The following WDR49 variants were observed in gnomAD, a reference collection of about 807,000 sequenced individuals.
WDR49 encodes the protein WD repeat domain 49.
A neutral mutation model predicts 119.5 loss-of-function variants in WDR49; 107 were observed. The observed-to-expected ratio is 0.90, with a 90% CI of 0.77 to 1.05. WDR49 has a LOEUF of 1.05. WDR49 is among the 50% of genes least tolerant of loss of function. WDR49 has a pLI of 0.00. For missense variants in WDR49, 1,240 were observed against 1,220.5 expected, an observed-to-expected ratio of 1.02 and a Z score of -0.24; for synonymous variants, 425 against 418.8, an observed-to-expected ratio of 1.01 and a Z score of -0.18.
chr3:167,610,836 AACAG>A (rs1321473702), intron 5 of WDR49, among the ~76,000 whole-genome samples: 7 of 152,196 alleles, frequency 4.6e-5, no homozygotes, highest in Non-Finnish European at 8.8e-5. Context: ...GGTGGCTCAG[AACAG>A]ACAGAGAGAC....
rs754057980 is a variant in WDR49 at position 167,478,886 on chromosome 3, T to A, written c.3142A>T (p.Lys1048Ter). ...QEKSCEVKKN[K>*]K ...AGGTTTTTCTGTTGTAATTACTTCT[T>A]ATTTTTCTTCACTTCACAACTTTTT... The change falls in exon 19 of 19, where the codon AAG (lysine) becomes TAG (stop). Residue 1048 changes from lysine to a stop codon, truncating the protein, a stop_gained. Transcript: ENST00000682715. LOFTEE classifies it high-confidence loss of function. 6.2e-7 allele frequency: 1 copy of A among 1,602,200 alleles called. No homozygotes were observed. Among genetic ancestry groups the A allele is most frequent in the Non-Finnish European group, 8.5e-7 (1 of 1,175,480 alleles).
At chr3:167,482,436 G>A (rs566635594) in intron 18 of WDR49, among the ~76,000 whole-genome samples, 13 of 151,924 alleles carry the variant, frequency 8.6e-5, no homozygotes, top group South Asian at 2.1e-4. Context: ...TTGGGAGGCC[G>A]AGGCGGGCGG....
chr3:167,545,560 A>G (rs1216654849), intron 10 of WDR49, among the ~76,000 whole-genome samples: 1 of 144,880 alleles, frequency 6.9e-6, no homozygotes, highest in African/African-American at 2.5e-5. Context: ...TGACATTCAT[A>G]GCAACCAGGA....
At chr3:167,594,877 G>T (rs879528575) in intron 7 of WDR49, among the ~76,000 whole-genome samples, 3 of 149,616 alleles carry the variant, frequency 2.0e-5, no homozygotes, top group Admixed American at 1.3e-4. Context: ...GGGCAATTAG[G>T]CAGGAGAAGG....
At chr3:167,573,427 CACAA>C (rs1360736172) in intron 8 of WDR49, among the ~76,000 whole-genome samples, 3 of 147,184 alleles carry the variant, frequency 2.0e-5, no homozygotes, top group Non-Finnish European at 3.0e-5. Flanking sequence ...CACACACACA[CACAA>C]CACAAATAGA....
At chr3:167,501,032 A>G (rs1751540884) in intron 17 of WDR49, among the ~76,000 whole-genome samples, 1 of 152,226 alleles carries the variant, frequency 6.6e-6, no homozygotes, top group African/African-American at 2.4e-5. Context: ...ATTTCAAACT[A>G]CAACAGGCAT....
chr3:167,555,703 C>A (rs944165663), intron 9 of WDR49, among the ~76,000 whole-genome samples: 1 of 152,100 alleles, frequency 6.6e-6, no homozygotes, highest in Admixed American at 6.5e-5. Flanking sequence ...TGGGAAAAAT[C>A]CCTACACACA....
intron 10 of WDR49, among the ~76,000 whole-genome samples, chr3:167,543,001 G>A (rs1463435619): frequency 1.3e-5 from 2 of 151,878 alleles, no homozygotes; most frequent in African/African-American, 4.8e-5. Flanking sequence ...ATCATTCAAG[G>A]CAACTATGAA....
intron 2 of WDR49, among the ~76,000 whole-genome samples, chr3:167,640,167 C>G (rs893451611): frequency 1.3e-5 from 2 of 151,700 alleles, no homozygotes; most frequent in South Asian, 4.1e-4. Flanking sequence ...TTTTTGCACC[C>G]GCATATATAA....
chr3:167,627,450 C>A (rs928929849), intron 2 of WDR49, among the ~76,000 whole-genome samples, 158 bp from the exon 3 acceptor site: 2 of 152,044 alleles, frequency 1.3e-5, no homozygotes, highest in African/African-American at 4.8e-5. Flanking sequence ...CTCAAGTGAA[C>A]TTAAACTGGG....
rs1436648725 is a variant in WDR49 at position 167,626,845 on chromosome 3, T to C, written c.606+7A>G. 5.6e-6 allele frequency: 7 copies of C among 1,245,686 alleles called. No homozygotes were observed. The highest frequency in any genetic ancestry group is 3.1e-5 in the East Asian group (1 of 32,102). 77.2% of individuals were successfully genotyped at this position (1,245,686 alleles called of 1,614,324 possible). A position where few individuals can be genotyped will look rare whatever the true frequency, so the allele number is the denominator to read the frequency against. On this transcript the variant is annotated splice_region_variant and intron_variant, in intron 3 of 18. Coordinates refer to ENST00000682715, the MANE Select transcript of WDR49 (RefSeq NM_001366157.1). ...AAGCAGTACATTTTTTTATAAAGAG[T>C]CTGTACCTTGTTTACATTTTCCAGA...
intron 8 of WDR49, among the ~76,000 whole-genome samples, chr3:167,561,756 A>C (rs1255696434): frequency 1.3e-5 from 2 of 152,112 alleles, no homozygotes; most frequent in Non-Finnish European, 2.9e-5. Flanking sequence ...AACTCTGTGA[A>C]ATAATGTTAC....
chr3:167,649,058 C>T (rs1162556337), intron 2 of WDR49, among the ~76,000 whole-genome samples: 1 of 151,898 alleles, frequency 6.6e-6, no homozygotes, highest in Non-Finnish European at 1.5e-5. Context: ...GAGATAAGAA[C>T]ATCTAAAGGT....
intron 11 of WDR49, among the ~76,000 whole-genome samples, chr3:167,536,024 T>TA (rs1265829497): frequency 6.6e-6 from 1 of 151,980 alleles, no homozygotes; most frequent in Non-Finnish European, 1.5e-5. Context: ...TTGTGGAATC[T>TA]AAAAAGTTAT....
intron 9 of WDR49, among the ~76,000 whole-genome samples, chr3:167,556,081 T>C (rs1712909520): frequency 6.6e-6 from 1 of 152,240 alleles, no homozygotes; most frequent in Non-Finnish European, 1.5e-5. Context: ...ATATGCAGTC[T>C]GTTGTTAACT....
chr3:167,639,569 T>A (rs1050786144), intron 2 of WDR49, among the ~76,000 whole-genome samples: 1 of 151,808 alleles, frequency 6.6e-6, no homozygotes, highest in Non-Finnish European at 1.5e-5. Flanking sequence ...AATAATCTCA[T>A]ACTGTTTTGA....
intron 11 of WDR49, 152 bp downstream of exon 11, chr3:167,536,718 T>C (rs867276483): frequency 0.018 from 3,212 of 182,914 alleles, 125 homozygotes; most frequent in African/African-American, 0.077. Flanking sequence ...CACACATATA[T>C]ATATATATAT....
At chr3:167,657,098 AT>A (rs1279549142), upstream of WDR49, among the ~76,000 whole-genome samples, 1 of 152,086 alleles carries the variant, frequency 6.6e-6, no homozygotes, top group Non-Finnish European at 1.5e-5. Flanking sequence ...TTCCCCCACA[AT>A]TTATTGCCAC....
At chr3:167,481,956 A>C (rs1377197207) in intron 18 of WDR49, among the ~76,000 whole-genome samples, 1 of 152,220 alleles carries the variant, frequency 6.6e-6, no homozygotes, top group South Asian at 2.1e-4. Flanking sequence ...AGAAAACCAA[A>C]GTATAACAAA....
Sources: gnomAD v4.1 joint callset for allele counts (sites outside exome capture counted in the v4.1 genomes callset) on GRCh38, gnomAD v4.1.1 for gene constraint, MANE v1.5 for transcripts, NCBI Gene and HGNC (gene_info 2026-07-23, HGNC 2026-07-21) for gene names.